Variants in KAZN observed in about 807,000 individuals in gnomAD.
The protein encoded by KAZN is kazrin, periplakin interacting protein.
A neutral mutation model predicts 87.4 loss-of-function variants in KAZN; 40 were observed. That is an observed-to-expected ratio of 0.46 (90% confidence interval 0.36 to 0.60). The LOEUF (loss-of-function observed/expected upper bound fraction) is 0.60, where lower values mean the gene tolerates loss of function less well. Among genes scored for constraint, KAZN ranks in the 20% least tolerant of loss-of-function variants. The pLI is 0.00. For missense variants in KAZN, 898 were observed against 1,073.9 expected, an observed-to-expected ratio of 0.84 and a Z score of 2.29; for synonymous variants, 466 against 458.3, an observed-to-expected ratio of 1.02 and a Z score of -0.22.
At chr1:14,154,953 T>TCTTCCTTACTTCCTTCCTTCCTTCCTTC (rs1645557957) in intron 1 of KAZN, among the ~76,000 whole-genome samples, 1 of 134,794 alleles carries the variant, frequency 7.4e-6, no homozygotes, top group African/African-American at 3.1e-5. Flanking sequence ...TTGTAGTTTT[T>TCTTCCTTACTTCCTTCCTTCCTTCCTTC]CTTCCTTCCT....
At chr1:14,892,666 C>A (rs1481635269) in intron 1 of KAZN, among the ~76,000 whole-genome samples, 1 of 152,194 alleles carries the variant, frequency 6.6e-6, no homozygotes, top group African/African-American at 2.4e-5. Context: ...TGCATCACTG[C>A]CCACCACCCC....
chr1:14,271,975 A>G (rs1335873200), intron 2 of KAZN, among the ~76,000 whole-genome samples: 5 of 152,268 alleles, frequency 3.3e-5, no homozygotes, highest in African/African-American at 4.8e-5. Flanking sequence ...ATTTGTAGAC[A>G]TAATGATTCA....
chr1:14,480,976 TAC>T (rs886171395), intron 2 of KAZN, among the ~76,000 whole-genome samples: 8 of 150,388 alleles, frequency 5.3e-5, no homozygotes, highest in African/African-American at 1.9e-4. Flanking sequence ...ATATTTATAT[TAC>T]ACACACAAGA....
chr1:14,300,778 A>C (rs1161098387), intron 2 of KAZN, among the ~76,000 whole-genome samples: 2 of 152,310 alleles, frequency 1.3e-5, no homozygotes, highest in Non-Finnish European at 2.9e-5. Context: ...CCGAGGAACC[A>C]AAAGGGATTT....
intron 1 of KAZN, among the ~76,000 whole-genome samples, chr1:14,654,933 C>T (rs1038983903): frequency 1.3e-5 from 2 of 152,216 alleles, no homozygotes; most frequent in African/African-American, 4.8e-5. Flanking sequence ...GATTCTGGAG[C>T]AGCTGTTCAT....
intron 1 of KAZN, among the ~76,000 whole-genome samples, chr1:14,176,119 T>A (rs1409147577): frequency 6.6e-6 from 1 of 152,220 alleles, no homozygotes; most frequent in Non-Finnish European, 1.5e-5. Context: ...GGTAACTCAG[T>A]CACTTCTGGT....
chr1:14,357,075 A>G (rs1284090361), intron 2 of KAZN, among the ~76,000 whole-genome samples: 1 of 152,060 alleles, frequency 6.6e-6, no homozygotes, highest in Non-Finnish European at 1.5e-5. Context: ...ATGTTTTTCC[A>G]TTTGTTTGTG....
intron 2 of KAZN, among the ~76,000 whole-genome samples, chr1:14,376,731 C>T (rs1660945489): frequency 6.6e-6 from 1 of 152,164 alleles, no homozygotes; most frequent in Non-Finnish European, 1.5e-5. Flanking sequence ...AATCATATGA[C>T]CTCTGTGTGC....
chr1:14,454,605 T>G (rs1667462459), intron 2 of KAZN, among the ~76,000 whole-genome samples: 1 of 152,186 alleles, frequency 6.6e-6, no homozygotes, highest in African/African-American at 2.4e-5. Context: ...TTTACCATAG[T>G]TAGTGAGAGG....
chr1:14,128,904 C>T (rs1644931668), intron 1 of KAZN, among the ~76,000 whole-genome samples: 1 of 152,086 alleles, frequency 6.6e-6, no homozygotes, highest in African/African-American at 2.4e-5. Flanking sequence ...TTCATAAAGC[C>T]CCGGTGCTAG....
intron 2 of KAZN, among the ~76,000 whole-genome samples, chr1:14,436,691 C>G (rs1173862387): frequency 7.2e-6 from 1 of 138,046 alleles, no homozygotes; most frequent in Non-Finnish European, 1.5e-5. Context: ...GCACTCCAGC[C>G]TGGGCGACAG....
intron 2 of KAZN, among the ~76,000 whole-genome samples, chr1:14,258,218 C>CTTTCTTTCTTT (rs539198790): frequency 4.0e-5 from 5 of 126,424 alleles, no homozygotes; most frequent in African/African-American, 1.5e-4. Context: ...TTCTTTCTTT[C>CTTTCTTTCTTT]TTTTTTTTTT....
At chr1:14,905,569 G>T (rs1278311283) in intron 1 of KAZN, among the ~76,000 whole-genome samples, 2 of 152,194 alleles carry the variant, frequency 1.3e-5, no homozygotes, top group Non-Finnish European at 2.9e-5. Context: ...GCACAGGCTG[G>T]GTGCAGTGGC....
chr1:14,528,412 G>T (rs1401693329), intron 2 of KAZN, among the ~76,000 whole-genome samples: 4 of 148,318 alleles, frequency 2.7e-5, no homozygotes, highest in Admixed American at 6.7e-5. Flanking sequence ...TCTGCCACAC[G>T]CTGACCTCTA....
chr1:14,463,891 C>T (rs1224109801), intron 2 of KAZN, among the ~76,000 whole-genome samples: 3 of 152,192 alleles, frequency 2.0e-5, no homozygotes, highest in Non-Finnish European at 4.4e-5. Flanking sequence ...CCTATGGTGA[C>T]CCAGGCATTC....
intron 2 of KAZN, among the ~76,000 whole-genome samples, chr1:14,217,911 G>A (rs1413801099): frequency 1.3e-5 from 2 of 152,114 alleles, no homozygotes; most frequent in Non-Finnish European, 1.5e-5. Context: ...AAGGAAAGAT[G>A]TGTGAGCTAA....
chr1:14,691,159 T>G (rs150731722), intron 1 of KAZN, among the ~76,000 whole-genome samples: 32 of 152,332 alleles, frequency 2.1e-4, no homozygotes, highest in African/African-American at 7.2e-4. Context: ...TTTTTGACTA[T>G]TGATGGATGG....
chr1:14,864,434 C>T (rs1349236200), intron 1 of KAZN, among the ~76,000 whole-genome samples: 2 of 152,012 alleles, frequency 1.3e-5, no homozygotes, highest in Admixed American at 6.6e-5. Context: ...GTGGGGTGGG[C>T]GCCTGTAATT....
chr1:14,983,267 C>T (rs549474315), intron 2 of KAZN, among the ~76,000 whole-genome samples: 1 of 152,310 alleles, frequency 6.6e-6, no homozygotes, highest in Admixed American at 6.5e-5. Flanking sequence ...GGCAGGGATA[C>T]TCAGCTTAGC....
Sources: allele counts gnomAD v4.1 joint callset (sites outside exome capture counted in the v4.1 genomes callset), GRCh38; gene constraint gnomAD v4.1.1; transcripts MANE v1.5; gene names NCBI Gene and HGNC (gene_info 2026-07-23, HGNC 2026-07-21).